The following ANKH variants were observed in gnomAD, a reference collection of about 807,000 sequenced individuals.
ANKH encodes mineralization regulator ANKH.
A neutral mutation model predicts 49.0 loss-of-function variants in ANKH; 15 were observed. The observed-to-expected ratio is 0.31, with a 90% CI of 0.20 to 0.47. The LOEUF (loss-of-function observed/expected upper bound fraction) is 0.47, where lower values mean the gene tolerates loss of function less well. ANKH is among the 20% of genes least tolerant of loss of function. ANKH has a pLI of 1.00. For synonymous variants in ANKH, 273 were observed against 260.0 expected, an observed-to-expected ratio of 1.05 and a Z score of -0.48; for missense variants, 429 against 652.0, an observed-to-expected ratio of 0.66 and a Z score of 3.72.
At chr5:14,779,405 T>C (rs1224069135) in intron 1 of ANKH, among the ~76,000 whole-genome samples, 1 of 152,178 alleles carries the variant, frequency 6.6e-6, no homozygotes, top group African/African-American at 2.4e-5. Flanking sequence ...TCTTCCCTCC[T>C]CTGTGCTCTG....
At chr5:14,851,655 A>G (rs548926296) in intron 1 of ANKH, among the ~76,000 whole-genome samples, 2 of 152,216 alleles carry the variant, frequency 1.3e-5, no homozygotes, top group Non-Finnish European at 2.9e-5. Context: ...CACTCCCTCA[A>G]TCTAAAGCAT....
chr5:14,735,895 C>A (rs756717539), intron 8 of ANKH, among the ~76,000 whole-genome samples: 1 of 151,978 alleles, frequency 6.6e-6, no homozygotes, highest in Non-Finnish European at 1.5e-5. Flanking sequence ...CCTATTCAAC[C>A]CATAACAATA....
In ANKH at chr5:14,758,463, C is replaced by A; in HGVS notation, c.432+17G>T. 1 of 1,587,858 alleles carries A rather than the reference C, an allele frequency of 6.3e-7. No individual in the cohort carries two copies. The highest frequency in any genetic ancestry group is 1.1e-5 in the South Asian group (1 of 90,494). On this transcript the variant is annotated intron_variant, in intron 3 of 11. Transcript: ENST00000284268. ...GTTAAAGAAAAAGAAAGAAAGCCAA[C>A]GATCTTCTCTACTCACCATTGCGTC... is the stretch of plus-strand genomic sequence containing the variant.
At chr5:14,756,002 G>T in intron 3 of ANKH, 58 bp from the exon 4 acceptor site, 1 of 1,473,056 alleles carries the variant, frequency 6.8e-7, no homozygotes, top group Non-Finnish European at 9.5e-7. Flanking sequence ...GCTGTTTCTG[G>T]TTGTTGAGAT....
chr5:14,809,349 A>G (rs1394144231), intron 1 of ANKH, among the ~76,000 whole-genome samples: 2 of 147,060 alleles, frequency 1.4e-5, no homozygotes, highest in Non-Finnish European at 1.5e-5. Context: ...AAAAAAAAAA[A>G]AAAAAAAAGA....
intron 1 of ANKH, among the ~76,000 whole-genome samples, chr5:14,828,567 CTTCTT>C (rs1017226824): frequency 1.1e-4 from 16 of 152,082 alleles, no homozygotes; most frequent in African/African-American, 3.6e-4. Flanking sequence ...AAAGTTTCCT[CTTCTT>C]TTCTTTTCTT....
At chr5:14,838,672 G>C (rs1741731424) in intron 1 of ANKH, among the ~76,000 whole-genome samples, 1 of 152,212 alleles carries the variant, frequency 6.6e-6, no homozygotes, top group Non-Finnish European at 1.5e-5. Context: ...GTCCTGAGGG[G>C]AGCTTTGCTT....
intron 8 of ANKH, among the ~76,000 whole-genome samples, chr5:14,728,532 G>A (rs141650326): frequency 1.1e-4 from 16 of 152,308 alleles, no homozygotes; most frequent in Admixed American, 6.5e-4. Flanking sequence ...ACCTCACGGC[G>A]TGGGGGTGGG....
intron 11 of ANKH, among the ~76,000 whole-genome samples, chr5:14,711,511 TG>T (rs976141912): frequency 1.3e-5 from 2 of 152,198 alleles, no homozygotes; most frequent in African/African-American, 4.8e-5. Context: ...GCCTGCTGTG[TG>T]CCTGGCACTG....
intron 3 of ANKH, among the ~76,000 whole-genome samples, chr5:14,757,216 T>C (rs868201381): frequency 6.6e-6 from 1 of 152,184 alleles, no homozygotes; most frequent in East Asian, 1.9e-4. Context: ...CTAACTGGGC[T>C]ACCACCATGG....
intron 1 of ANKH, among the ~76,000 whole-genome samples, chr5:14,803,283 G>T (rs901764161): frequency 1.3e-5 from 2 of 152,046 alleles, no homozygotes; most frequent in African/African-American, 4.8e-5. Flanking sequence ...ATTTTAATTT[G>T]TTTATTTATT....
chr5:14,751,257 G>A lies in ANKH; in HGVS notation c.517-18C>T, dbSNP rs377483135. 62 of 1,613,332 alleles carry A rather than the reference G, an allele frequency of 3.8e-5. No homozygotes were observed. The highest frequency in any genetic ancestry group is 5.1e-5 in the Non-Finnish European group (60 of 1,179,752). On this transcript the variant is annotated intron_variant, in intron 4 of 11. Transcript: ENST00000284268. ...AAAACAACCTGAGAGAAGGGAGAAC[G>A]GGAACAGGTCAGAGGGGAGAAGCGG...
chr5:14,721,803 G>A lies in ANKH; in HGVS notation c.1012-4968C>T, dbSNP rs555353986. On this transcript the variant is annotated intron_variant, in intron 8 of 11. Transcript: ENST00000284268. ...AAATTAGCCAGGCATGGTGGCAGGC[G>A]CCTGTAGTCCCAGCTACTCGTGAGG... Among the ~76,000 whole-genome samples the A allele has an allele frequency of 3.7e-4, 57 of 152,046 alleles. 1 individual carries two copies. In the South Asian group the frequency reaches 5.6e-3, roughly 15 times the overall value.
intron 11 of ANKH, among the ~76,000 whole-genome samples, chr5:14,712,601 C>T (rs569734196): frequency 7.2e-5 from 11 of 152,336 alleles, no homozygotes; most frequent in East Asian, 1.9e-4. Context: ...GCCCCATCTA[C>T]GCTGGCTTTC....
intron 8 of ANKH, among the ~76,000 whole-genome samples, chr5:14,732,961 A>G (rs1738051184): frequency 6.6e-6 from 1 of 152,234 alleles, no homozygotes; most frequent in Non-Finnish European, 1.5e-5. Context: ...CACAGGCGTG[A>G]CAGACAGCCC....
intron 1 of ANKH, among the ~76,000 whole-genome samples, chr5:14,785,177 C>CA (rs1294699335): frequency 6.6e-6 from 1 of 152,060 alleles, no homozygotes; most frequent in Non-Finnish European, 1.5e-5. Context: ...GACCTCAAAA[C>CA]AAAAAAGACG....
intron 1 of ANKH, among the ~76,000 whole-genome samples, chr5:14,823,971 T>C (rs1741268351): frequency 6.6e-6 from 1 of 152,230 alleles, no homozygotes; most frequent in African/African-American, 2.4e-5. Flanking sequence ...CTCCCTGTGG[T>C]TCTGCTGCCC....
At chr5:14,793,795 C>G (rs944380567) in intron 1 of ANKH, among the ~76,000 whole-genome samples, 1 of 152,182 alleles carries the variant, frequency 6.6e-6, no homozygotes, top group Non-Finnish European at 1.5e-5. Flanking sequence ...CTGGCAGGAG[C>G]ATTTCTCTGC....
chr5:14,768,887 C>T (rs886967676), intron 2 of ANKH, 88 bp downstream of exon 2: 7 of 1,396,242 alleles, frequency 5.0e-6, no homozygotes, highest in East Asian at 2.3e-5. Flanking sequence ...GTGAAGAAAC[C>T]ACTTATCTCA....
Sources: allele counts gnomAD v4.1 joint callset (sites outside exome capture counted in the v4.1 genomes callset), GRCh38; gene constraint gnomAD v4.1.1; transcripts MANE v1.5; gene names NCBI Gene and HGNC (gene_info 2026-07-23, HGNC 2026-07-21).